Variants in PDE4B observed in about 807,000 individuals in gnomAD.
PDE4B encodes the protein 3',5'-cyclic-AMP phosphodiesterase 4B.
Under a neutral mutation model 82.2 loss-of-function variants are expected in PDE4B, and 20 were observed. That is an observed-to-expected ratio of 0.24 (90% CI 0.17 to 0.35). The LOEUF (loss-of-function observed/expected upper bound fraction) is 0.35. PDE4B is among the 10% of genes least tolerant of loss of function. The probability of loss-of-function intolerance (pLI) is 1.00; values close to 1 mark genes in which losing one functional copy is unlikely to be tolerated. For synonymous variants in PDE4B, 320 were observed against 318.9 expected (o/e 1.00, Z -0.04); for missense variants, 655 against 907.2 (o/e 0.72, Z 3.57).
intron 1 of PDE4B, among the ~76,000 whole-genome samples, chr1:65,881,304 C>G (rs536036577): frequency 6.6e-6 from 1 of 152,290 alleles, no homozygotes; most frequent in South Asian, 2.1e-4. Context: ...TCTGGGCAGC[C>G]TGCATTCAGT....
At chr1:66,223,323 C>T (rs477308) in intron 3 of PDE4B, among the ~76,000 whole-genome samples, 28,547 of 152,038 alleles carry the variant, frequency 0.19, 2,825 homozygotes, top group Non-Finnish European at 0.22. Flanking sequence ...CTGCCCACCA[C>T]AACAAACAGC....
chr1:65,826,325 G>T (rs1646016936), intron 1 of PDE4B, among the ~76,000 whole-genome samples: 1 of 152,000 alleles, frequency 6.6e-6, no homozygotes, highest in African/African-American at 2.4e-5. Context: ...GGAAGAAGTT[G>T]CATATAAGCT....
chr1:65,797,420 A>G (rs1420958757), intron 1 of PDE4B, among the ~76,000 whole-genome samples: 2 of 152,120 alleles, frequency 1.3e-5, no homozygotes, highest in Non-Finnish European at 2.9e-5. Flanking sequence ...TAAATCTTGT[A>G]TTTTAACAGA....
chr1:65,873,863 AG>A (rs1332574818), intron 1 of PDE4B, among the ~76,000 whole-genome samples: 1 of 152,148 alleles, frequency 6.6e-6, no homozygotes, highest in East Asian at 1.9e-4. Context: ...ATTCTTTGAA[AG>A]ATTTTTTTCG....
chr1:65,918,820 C>T lies in PDE4B; in HGVS notation c.266C>T (p.Thr89Ile). 1 of 1,607,468 alleles carries T rather than the reference C, an allele frequency of 6.2e-7. No homozygotes were observed. Among genetic ancestry groups the T allele is most frequent in the Middle Eastern group, 1.7e-4 (1 of 6,048 alleles). ...ACGCTTCCAAGCATTGCTATTACAA[C>T]TGTAAGCCAGGAGTGGTGAGTAGCC... ...LTTLPSIAITTVSQECFDVEN... is the reference protein window; with the variant it reads ...LTTLPSIAITIVSQECFDVEN... Residue 89 changes from threonine to isoleucine, a missense_variant, in exon 3 of 17, where the codon ACT (threonine) becomes ATT (isoleucine). This residue lies in a region of PDE4B where 253 missense variants were observed against 275.6 expected (regional missense o/e 0.92). Transcript: ENST00000341517.
intron 3 of PDE4B, among the ~76,000 whole-genome samples, chr1:66,059,407 T>C (rs1427205803): frequency 6.6e-6 from 1 of 152,184 alleles, no homozygotes; most frequent in African/African-American, 2.4e-5. Context: ...CCCCCCACTC[T>C]ACTGGCACCA....
intron 7 of PDE4B, among the ~76,000 whole-genome samples, chr1:66,317,965 G>GA (rs561097884): frequency 1.1e-3 from 161 of 151,966 alleles, no homozygotes; most frequent in African/African-American, 3.6e-3. Context: ...GGACTCCCAG[G>GA]AAAAAAAATG....
chr1:66,101,872 A>G (rs112412670), intron 3 of PDE4B, among the ~76,000 whole-genome samples: 4,363 of 152,162 alleles, frequency 0.029, 233 homozygotes, highest in African/African-American at 0.098. Context: ...TTTTGTTGCC[A>G]TTGTTTTTGG....
chr1:66,068,617 C>A lies in PDE4B; in HGVS notation c.281+149782C>A, dbSNP rs943487402. Among the ~76,000 whole-genome samples the A allele has an allele frequency of 2.0e-5, 3 of 151,910 alleles. No homozygotes were observed. The East Asian group carries it at 5.8e-4, about 29-fold the overall frequency. On this transcript the variant is annotated intron_variant, in intron 3 of 16. Transcript: ENST00000341517. ...ATATGCTTTGCTATATTAACTAATA[C>A]ACTTTGAACAATTGCAGATGAAAAT...
Position 65,913,255 on chromosome 1 carries a change from G to A in PDE4B, c.-60G>A. On this transcript the variant is annotated 5_prime_UTR_variant, in exon 2 of 17. It adds an upstream start codon to the 5' untranslated region. Coordinates refer to ENST00000341517, the MANE Select transcript of PDE4B (RefSeq NM_002600.4). ...TTTTTTCTCCTGTAGGTATTAAAAA[G>A]TGTCAGCAAACTGCATTGAATAACA... The A allele has an allele frequency of 2.7e-6, 4 of 1,478,766 alleles. No individual in the cohort carries two copies. The highest frequency in any genetic ancestry group is 3.8e-6 in the Non-Finnish European group (4 of 1,057,604). 91.6% of individuals were successfully genotyped at this position (1,478,766 alleles called of 1,614,324 possible). A position where few individuals can be genotyped will look rare whatever the true frequency, so the allele number is the denominator to read the frequency against.
At chr1:66,284,011 T>C (rs1298541556) in intron 7 of PDE4B, among the ~76,000 whole-genome samples, 1 of 152,078 alleles carries the variant, frequency 6.6e-6, no homozygotes, top group Admixed American at 6.6e-5. Flanking sequence ...TGCTGGATAA[T>C]GGAGATACAG....
At chr1:66,095,458 GTGGAATACC>G (rs1645097151) in intron 3 of PDE4B, among the ~76,000 whole-genome samples, 1 of 151,868 alleles carries the variant, frequency 6.6e-6, no homozygotes, top group Non-Finnish European at 1.5e-5. Flanking sequence ...ATAGCTAATA[GTGGAATACC>G]TGGGATACAA....
chr1:65,982,785 C>G (rs547504331), intron 3 of PDE4B, among the ~76,000 whole-genome samples: 1 of 152,224 alleles, frequency 6.6e-6, no homozygotes, highest in Non-Finnish European at 1.5e-5. Flanking sequence ...GTTGATTGAA[C>G]TATCTGGCTG....
chr1:65,999,957 A>G (rs1011061772), intron 3 of PDE4B, among the ~76,000 whole-genome samples: 2 of 152,194 alleles, frequency 1.3e-5, no homozygotes, highest in Non-Finnish European at 2.9e-5. Flanking sequence ...TCTTTCTGTC[A>G]GTAGAGCTAC....
chr1:66,259,137 T>A (rs1285900073), intron 6 of PDE4B, among the ~76,000 whole-genome samples: 1 of 152,206 alleles, frequency 6.6e-6, no homozygotes, highest in African/African-American at 2.4e-5. Context: ...GAACTCCATT[T>A]ATTTATTTAT....
At chr1:66,115,345 C>A (rs1372032020) in intron 3 of PDE4B, among the ~76,000 whole-genome samples, 1 of 152,182 alleles carries the variant, frequency 6.6e-6, no homozygotes, top group Admixed American at 6.5e-5. Context: ...CATTTTTTAA[C>A]AACTCCCCAG....
At chr1:66,069,442 AT>A (rs1384505198) in intron 3 of PDE4B, among the ~76,000 whole-genome samples, 1 of 151,920 alleles carries the variant, frequency 6.6e-6, no homozygotes, top group Admixed American at 6.6e-5. Flanking sequence ...CATAACATTA[AT>A]TTCTTTTCTC....
At chr1:65,971,934 A>G (rs1256334273) in intron 3 of PDE4B, among the ~76,000 whole-genome samples, 2 of 152,108 alleles carry the variant, frequency 1.3e-5, no homozygotes, top group Admixed American at 6.6e-5. Context: ...TTTCCTTTGG[A>G]CTTTTAAATG....
intron 1 of PDE4B, among the ~76,000 whole-genome samples, chr1:65,799,667 C>T (rs1645672367): frequency 6.6e-6 from 1 of 152,092 alleles, no homozygotes; most frequent in South Asian, 2.1e-4. Flanking sequence ...GCCTTAAAGG[C>T]CTGTGGATGG....
Sources: gnomAD v4.1 joint callset for allele counts (sites outside exome capture counted in the v4.1 genomes callset) on GRCh38, gnomAD v4.1.1 for gene constraint, gnomAD v4.1.1 regional missense constraint, MANE v1.5 for transcripts, NCBI Gene and HGNC (gene_info 2026-07-23, HGNC 2026-07-21) for gene names.